The following NCAPG2 variants were observed in gnomAD, a reference collection of about 807,000 sequenced individuals.
NCAPG2 encodes non-SMC condensin II complex subunit G2, also known as condensin-2 complex subunit G2.
In NCAPG2, 53 loss-of-function variants were observed where a neutral mutation model predicts 141.1. The ratio of observed to expected loss-of-function variants is 0.38; its 90% CI spans 0.30 to 0.47. NCAPG2 has a LOEUF of 0.47. Ranked by LOEUF, NCAPG2 falls within the 20% of genes least tolerant of loss-of-function variation. The pLI is 0.99. For missense variants in NCAPG2, 1,087 were observed against 1,389.0 expected, an observed-to-expected ratio of 0.78 and a Z score of 3.46; for synonymous variants, 499 against 490.7, an observed-to-expected ratio of 1.02 and a Z score of -0.22.
intron 27 of NCAPG2, chr7:158,641,577 A>G: frequency 1.6e-6 from 1 of 615,342 alleles, no homozygotes. Flanking sequence ...AAAAAAAAGG[A>G]AATGAATAAA....
chr7:158,669,560 C>T (rs1189363032), intron 13 of NCAPG2, among the ~76,000 whole-genome samples: 1 of 151,532 alleles, frequency 6.6e-6, no homozygotes, highest in African/African-American at 2.4e-5. Context: ...GTCAGGAGTT[C>T]GAGACCAGCC....
chr7:158,666,941 C>T (rs1420739446), intron 13 of NCAPG2, among the ~76,000 whole-genome samples: 2 of 152,092 alleles, frequency 1.3e-5, no homozygotes, highest in Non-Finnish European at 2.9e-5. Context: ...TCCACTGGGC[C>T]AGCACACCCA....
chr7:158,674,403 C>G (rs1833930839), intron 12 of NCAPG2, among the ~76,000 whole-genome samples: 1 of 152,006 alleles, frequency 6.6e-6, no homozygotes, highest in African/African-American at 2.4e-5. Flanking sequence ...CCTCCCACCT[C>G]TGCCTCTCAA....
chr7:158,677,525 C>CAAAAAAA, intron 11 of NCAPG2, among the ~76,000 whole-genome samples: 53 of 90,394 alleles, frequency 5.9e-4, no homozygotes, highest in Non-Finnish European at 7.3e-4. Flanking sequence ...AAAAATAAAG[C>CAAAAAAA]AAAAAAAAAA....
intron 13 of NCAPG2, among the ~76,000 whole-genome samples, chr7:158,669,890 C>T (rs544656354): frequency 6.6e-6 from 1 of 152,082 alleles, no homozygotes; most frequent in African/African-American, 2.4e-5. Context: ...ATCCTCCCAC[C>T]TCAGCTTCCC....
At chr7:158,661,655 C>T (rs867639987) in intron 16 of NCAPG2, among the ~76,000 whole-genome samples, 6 of 152,294 alleles carry the variant, frequency 3.9e-5, no homozygotes, top group Middle Eastern at 6.8e-3. Flanking sequence ...GGCCATTCCA[C>T]AATGTGTACA....
intron 13 of NCAPG2, chr7:158,667,320 T>A (rs142962578): frequency 2.0e-5 from 1 of 49,366 alleles, no homozygotes; most frequent in African/African-American, 2.0e-4. Context: ...GCCGCTACTG[T>A]GTCCCTCCGC....
chr7:158,645,329 G>T (rs746239454), intron 26 of NCAPG2, among the ~76,000 whole-genome samples, 190 bp downstream of exon 26: 1 of 152,146 alleles, frequency 6.6e-6, no homozygotes, highest in African/African-American at 2.4e-5. Context: ...GATGCAGGGT[G>T]GGCTAAGGAG....
rs749552619 is a variant in NCAPG2 at position 158,693,513 on chromosome 7, C to A, written c.79-16G>T. Reference sequence around the variant, plus strand: ...AGGCCTCTTTCTGTAACATAAATAGCAAGTGTCACATTTCAAATACAAAAA... The same window carrying A: ...AGGCCTCTTTCTGTAACATAAATAGAAAGTGTCACATTTCAAATACAAAAA... On this transcript the variant is annotated splice_polypyrimidine_tract_variant and intron_variant, in intron 2 of 27. Transcript: ENST00000356309. The A allele has an allele frequency of 1.3e-6, 2 of 1,584,574 alleles. No homozygotes were observed. Among genetic ancestry groups the A allele is most frequent in the South Asian group, 2.3e-5 (2 of 87,920 alleles).
At chr7:158,652,163 A>G (rs1554552884) in intron 23 of NCAPG2, 130 bp downstream of exon 23, 3 of 899,752 alleles carry the variant, frequency 3.3e-6, no homozygotes, top group Non-Finnish European at 5.1e-6. Context: ...CCTCGCCAGC[A>G]GGGACCTCCC....
chr7:158,692,327 A>AAAT (rs1479082598), intron 4 of NCAPG2, among the ~76,000 whole-genome samples: 1 of 32,566 alleles, frequency 3.1e-5, no homozygotes, highest in African/African-American at 9.5e-5. Flanking sequence ...TGATAAATAT[A>AAAT]AAATAAATAA....
At chr7:158,650,651 G>A (rs1210350827) in intron 24 of NCAPG2, among the ~76,000 whole-genome samples, 181 bp downstream of exon 24, 1 of 152,188 alleles carries the variant, frequency 6.6e-6, no homozygotes, top group African/African-American at 2.4e-5. Context: ...ATAGTCACGA[G>A]TCTAAAATAC....
intron 2 of NCAPG2, among the ~76,000 whole-genome samples, chr7:158,694,858 C>A (rs1248972894): frequency 1.3e-5 from 2 of 152,016 alleles, no homozygotes; most frequent in African/African-American, 2.4e-5. Flanking sequence ...ACTCTCTTTC[C>A]TCGTTTCCTT....
intron 27 of NCAPG2, among the ~76,000 whole-genome samples, chr7:158,635,748 G>C (rs977709937): frequency 2.6e-5 from 4 of 152,042 alleles, no homozygotes; most frequent in African/African-American, 9.7e-5. Flanking sequence ...CAGAATACTA[G>C]CCCTGAAAAC....
Position 158,631,474 on chromosome 7 carries a change from A to T in NCAPG2, c.*192T>A. The T allele has an allele frequency of 1.6e-6, 1 of 624,178 alleles. No individual in the cohort carries two copies. The highest frequency in any genetic ancestry group is 2.8e-6 in the Non-Finnish European group (1 of 353,102). 38.7% of individuals were successfully genotyped at this position (624,178 alleles called of 1,614,324 possible). On this transcript the variant is annotated 3_prime_UTR_variant, in exon 28 of 28. Transcript: ENST00000356309. ...TTTATATTAAATATATTATTTACGC[A>T]GGCACTAGGCAAAATTGAAGAAGTT...
intron 8 of NCAPG2, among the ~76,000 whole-genome samples, chr7:158,685,531 T>A (rs1834702779): frequency 6.6e-6 from 1 of 152,226 alleles, no homozygotes; most frequent in South Asian, 2.1e-4. Flanking sequence ...GAGTAGTATC[T>A]GCATATAACC....
At chr7:158,665,748 T>C (rs753564694) in intron 13 of NCAPG2, among the ~76,000 whole-genome samples, 9 of 152,164 alleles carry the variant, frequency 5.9e-5, no homozygotes, top group Non-Finnish European at 8.8e-5. Context: ...CCCAACCCCA[T>C]TGACAATGCA....
intron 15 of NCAPG2, among the ~76,000 whole-genome samples, chr7:158,663,352 T>C (rs1188170734): frequency 2.6e-5 from 4 of 152,270 alleles, no homozygotes; most frequent in African/African-American, 7.2e-5. Context: ...TCACTCTCAC[T>C]GAACTCTTCT....
chr7:158,694,668 T>TA (rs776561405), intron 2 of NCAPG2, among the ~76,000 whole-genome samples: 5 of 152,190 alleles, frequency 3.3e-5, no homozygotes, highest in Non-Finnish European at 5.9e-5. Flanking sequence ...GTCGGGGTCA[T>TA]AAAAAACACA....
Sources: allele counts gnomAD v4.1 joint callset (sites outside exome capture counted in the v4.1 genomes callset), GRCh38; gene constraint gnomAD v4.1.1; transcripts MANE v1.5; gene names NCBI Gene and HGNC (gene_info 2026-07-23, HGNC 2026-07-21).